BEND4: variants seen among roughly 807,000 people sequenced by gnomAD.
BEND4 encodes BEN domain containing 4, also known as BEN domain-containing protein 4.
A neutral mutation model predicts 54.7 loss-of-function variants in BEND4; 27 were observed. The ratio of observed to expected loss-of-function variants is 0.49; its 90% CI spans 0.36 to 0.68. The LOEUF is 0.68. Ranked by LOEUF, BEND4 falls within the 30% of genes least tolerant of loss-of-function variation. The pLI is 0.00. For missense variants in BEND4, 702 were observed against 697.2 expected, an observed-to-expected ratio of 1.01 and a Z score of -0.08; for synonymous variants, 327 against 299.5, an observed-to-expected ratio of 1.09 and a Z score of -0.95.
intron 2 of BEND4, among the ~76,000 whole-genome samples, chr4:42,147,926 G>C (rs999360788): frequency 6.6e-6 from 1 of 152,114 alleles, no homozygotes; most frequent in Non-Finnish European, 1.5e-5. Context: ...CATCACAGCA[G>C]ATCCCCAAGA....
intron 2 of BEND4, 84 bp downstream of exon 2, chr4:42,151,572 CG>C: frequency 1.5e-6 from 2 of 1,342,478 alleles, no homozygotes; most frequent in Non-Finnish European, 1.9e-6. Flanking sequence ...GGGTAAGTGT[CG>C]GCGGCCCCCC....
At chr4:42,137,477 T>C (rs1202607760) in intron 3 of BEND4, among the ~76,000 whole-genome samples, 2 of 152,154 alleles carry the variant, frequency 1.3e-5, no homozygotes, top group African/African-American at 4.8e-5. Flanking sequence ...TTTTTAGGTA[T>C]CATAAAAGCT....
At chr4:42,127,062 G>C (rs540097848) in intron 3 of BEND4, among the ~76,000 whole-genome samples, 1 of 151,866 alleles carries the variant, frequency 6.6e-6, no homozygotes. Flanking sequence ...TCTAAATTTC[G>C]TGTTTCTCAC....
Position 42,143,554 on chromosome 4 carries a change from G to A in BEND4, c.928C>T (p.Leu310=), listed in dbSNP as rs1283272895. The A allele has an allele frequency of 1.3e-6, 2 of 1,561,626 alleles. No individual in the cohort carries two copies. Among genetic ancestry groups the A allele is most frequent in the Admixed American group, 1.9e-5 (1 of 51,498 alleles). Residue 310 remains leucine (L), a synonymous_variant, in exon 3 of 6, where the codon CTG becomes TTG. Transcript: ENST00000502486. The part of the protein sequence containing the change: ...ESHGHPSSST[L]PEEEEEEDEE... The stretch of plus-strand genomic sequence containing the variant: ...TCCTCCTCCTCCTCCTCTTCTGGCA[G>A]TGTAGATGAAGATGGGTGGCCATGG...
In BEND4 at chr4:42,151,784, C is replaced by A; in HGVS notation, c.360G>T (p.Pro120=). The stretch of plus-strand genomic sequence containing the variant: ...ACGAGGAGGCGGCGGGGGACGCGGG[C>A]GGCGGCTGCGCCGGAGTCCTCAAGT... ...QGHLRTPAQP[P]PASPAASSSS... Residue 120 remains proline, a synonymous_variant, in exon 2 of 6, where the codon CCG becomes CCT. Coordinates refer to ENST00000502486, the MANE Select transcript of BEND4 (RefSeq NM_207406.4). The A allele has an allele frequency of 6.7e-7, 1 of 1,490,894 alleles. No individual in the cohort carries two copies. 92.4% of individuals were successfully genotyped at this position (1,490,894 alleles called of 1,614,324 possible).
In BEND4 at chr4:42,141,580, T is replaced by C. The variant is rs552479936; in HGVS notation, c.1054+1848A>G. Among the ~76,000 whole-genome samples, 410 of 151,716 alleles carry C rather than the reference T, an allele frequency of 2.7e-3. 1 individual carries two copies. The highest frequency in any genetic ancestry group is 4.8e-3 in the Non-Finnish European group (329 of 67,882). ...AACGCTGTCTCTACTAAAAATACAA[T>C]TAAAAAAAAAATTAGCCAGGCGTGG... On this transcript the variant is annotated intron_variant, in intron 3 of 5. Transcript: ENST00000502486.
intron 2 of BEND4, among the ~76,000 whole-genome samples, chr4:42,148,570 T>C (rs1721154899): frequency 6.6e-6 from 1 of 152,234 alleles, no homozygotes; most frequent in Admixed American, 6.5e-5. Context: ...ATGCTTTTAA[T>C]GTCCAAAAGA....
chr4:42,121,133 C>T (rs1045748419), intron 4 of BEND4, among the ~76,000 whole-genome samples: 4 of 152,102 alleles, frequency 2.6e-5, no homozygotes, highest in Non-Finnish European at 4.4e-5. Flanking sequence ...ACTCCTTCCC[C>T]AGTAATTAAG....
At position 42,113,624 on chromosome 4, in the gene BEND4, A is replaced by T. The variant is rs1178628916; in HGVS notation, c.*3894T>A. 6.6e-6 allele frequency: 1 copy of T among 152,192 alleles called. No homozygotes were observed. Among genetic ancestry groups the T allele is most frequent in the Non-Finnish European group, 1.5e-5 (1 of 68,024 alleles). 9.4% of individuals were successfully genotyped at this position (152,192 alleles called of 1,614,324 possible). ...AAGAATAGTTACTGGACTTAAAAAAAATCCTATCAACATCAGTTACCACTA... is the reference window on the plus strand; with the variant it reads ...AAGAATAGTTACTGGACTTAAAAAATATCCTATCAACATCAGTTACCACTA... On this transcript the variant is annotated 3_prime_UTR_variant, in exon 6 of 6. Coordinates refer to ENST00000502486, the MANE Select transcript of BEND4 (RefSeq NM_207406.4).
chr4:42,128,399 C>T (rs1460744929), intron 3 of BEND4, among the ~76,000 whole-genome samples: 9 of 152,064 alleles, frequency 5.9e-5, no homozygotes, highest in Admixed American at 2.0e-4. Flanking sequence ...CAAGGCAGGC[C>T]GATCACGAGG....
chr4:42,117,338 G>T lies in BEND4; in HGVS notation c.*180C>A. 1 of 557,818 alleles carries T rather than the reference G, an allele frequency of 1.8e-6. No individual in the cohort carries two copies. The highest frequency in any genetic ancestry group is 3.2e-6 in the Non-Finnish European group (1 of 316,302). 34.6% of individuals were successfully genotyped at this position (557,818 alleles called of 1,614,324 possible). A position where few individuals can be genotyped will look rare whatever the true frequency, so the allele number is the denominator to read the frequency against. ...TAATATAATATTCCAAAAGTCTGTTGTAGGTGCCACAGACTTCCCAAACAA... is the reference window on the plus strand; with the variant it reads ...TAATATAATATTCCAAAAGTCTGTTTTAGGTGCCACAGACTTCCCAAACAA... On this transcript the variant is annotated 3_prime_UTR_variant, in exon 6 of 6. Transcript: ENST00000502486.
intron 2 of BEND4, 32 bp downstream of exon 2, chr4:42,151,625 G>A (rs1031191501): frequency 1.4e-6 from 2 of 1,440,526 alleles, no homozygotes; most frequent in East Asian, 3.0e-5. Context: ...CCCGGCCGTG[G>A]CGGGAAGGAA....
chr4:42,127,339 G>A lies in BEND4; in HGVS notation c.1055-1665C>T, dbSNP rs1360808933. Among the ~76,000 whole-genome samples, 4 of 152,288 alleles carry A rather than the reference G, an allele frequency of 2.6e-5. No individual in the cohort carries two copies. In the East Asian group the frequency reaches 5.8e-4, roughly 22 times the overall value. On this transcript the variant is annotated intron_variant, in intron 3 of 5. Coordinates refer to ENST00000502486, the MANE Select transcript of BEND4 (RefSeq NM_207406.4). ...GTTATATGGATATATTCTCCAAATT[G>A]ACGAAGCACTTGCTGAACAATAAGA... is the stretch of plus-strand genomic sequence containing the variant.
chr4:42,148,411 C>T (rs1721151402), intron 2 of BEND4, among the ~76,000 whole-genome samples: 1 of 152,174 alleles, frequency 6.6e-6, no homozygotes, highest in Non-Finnish European at 1.5e-5. Flanking sequence ...AATATTCATC[C>T]TGCTCAGTCA....
chr4:42,126,856 A>AAAAAC (rs577821140), intron 3 of BEND4, among the ~76,000 whole-genome samples: 34 of 152,334 alleles, frequency 2.2e-4, no homozygotes, highest in South Asian at 1.7e-3. Context: ...CAGAAAAAGG[A>AAAAAC]AAAACAAAAC....
chr4:42,147,618 A>C (rs1721121966), intron 2 of BEND4, among the ~76,000 whole-genome samples: 1 of 152,060 alleles, frequency 6.6e-6, no homozygotes, highest in East Asian at 1.9e-4. Context: ...ATGTTAATAA[A>C]TCACAATCAC....
chr4:42,144,058 C>A, intron 2 of BEND4, 64 bp from the exon 3 acceptor site: 1 of 1,126,404 alleles, frequency 8.9e-7, no homozygotes, highest in South Asian at 1.3e-5. Flanking sequence ...ATAAAGTCCT[C>A]AATTTTCAGC....
In BEND4 at chr4:42,123,694, G is replaced by GAAAAAAAAAAAAAAAA. The variant is rs71664396; in HGVS notation, c.1146+1873_1146+1888dup. Among the ~76,000 whole-genome samples the GAAAAAAAAAAAAAAAA allele has an allele frequency of 5.3e-4, 27 of 50,732 alleles. 1 individual carries two copies. The highest frequency in any genetic ancestry group is 1.3e-3 in the African/African-American group (17 of 13,310). 33.3% of individuals were successfully genotyped at this position (50,732 alleles called of 152,430 possible). ...ATATTTACTTTGGATCTGTAATTCA[G>GAAAAAAAAAAAAAAAA]AAAAAAAAAAAAAAAAAAAAAAACA... On this transcript the variant is annotated intron_variant, in intron 4 of 5. Transcript: ENST00000502486.
At chr4:42,139,399 G>A (rs537684722) in intron 3 of BEND4, among the ~76,000 whole-genome samples, 42 of 151,854 alleles carry the variant, frequency 2.8e-4, no homozygotes, top group African/African-American at 8.4e-4. Flanking sequence ...AAATAATACC[G>A]TAACACTGCC....
Sources: allele counts gnomAD v4.1 joint callset (sites outside exome capture counted in the v4.1 genomes callset), GRCh38; gene constraint gnomAD v4.1.1; transcripts MANE v1.5; gene names NCBI Gene and HGNC (gene_info 2026-07-23, HGNC 2026-07-21).